Variants in MYRFL observed in about 807,000 individuals in gnomAD.
MYRFL encodes the protein myelin regulatory factor-like protein.
MYRFL carries 88 observed loss-of-function variants against 109.4 expected under a neutral mutation model. That is an observed-to-expected ratio of 0.80 (90% CI 0.68 to 0.96). The LOEUF (loss-of-function observed/expected upper bound fraction) is 0.96. Ranked by LOEUF, MYRFL falls within the 40% of genes least tolerant of loss-of-function variation. The pLI is 0.00. For missense variants in MYRFL, 957 were observed against 954.9 expected, an observed-to-expected ratio of 1.00 and a Z score of -0.03; for synonymous variants, 324 against 320.9, an observed-to-expected ratio of 1.01 and a Z score of -0.10.
intron 2 of MYRFL, among the ~76,000 whole-genome samples, chr12:69,875,175 TTC>T (rs1334795988): frequency 2.6e-5 from 4 of 151,528 alleles, no homozygotes; most frequent in South Asian, 2.1e-4. Context: ...AAATCTCTTT[TTC>T]TCTCTCTTTT....
chr12:69,878,242 C>CAAAA (rs60069243), intron 2 of MYRFL, among the ~76,000 whole-genome samples: 8,296 of 112,454 alleles, frequency 0.074, 498 homozygotes, highest in East Asian at 0.19. Flanking sequence ...GACTCCATCT[C>CAAAA]AAAAAAAAAA....
chr12:69,936,106 T>TC lies in MYRFL; in HGVS notation c.1917-7_1917-6insC. ...TTTTTTTTTTTTTTTTTTTTTTTTT[T>TC]TGACAGTGCTTTGACGATAGTTGCC... On this transcript the variant is annotated splice_region_variant and splice_polypyrimidine_tract_variant and intron_variant, in intron 16 of 24. Transcript: ENST00000552032. The TC allele has an allele frequency of 9.5e-7, 1 of 1,049,540 alleles. No individual in the cohort carries two copies. The highest frequency in any genetic ancestry group is 1.3e-6 in the Non-Finnish European group (1 of 764,624). The allele number at this position is 1,049,540 out of a possible 1,614,324, so 65.0% of individuals were successfully genotyped here. A position where few individuals can be genotyped will look rare whatever the true frequency, so the allele number is the denominator to read the frequency against.
intron 1 of MYRFL, among the ~76,000 whole-genome samples, chr12:69,844,443 C>G (rs1281135979): frequency 6.6e-6 from 1 of 152,136 alleles, no homozygotes; most frequent in Non-Finnish European, 1.5e-5. Flanking sequence ...GATGGGACAC[C>G]AGCAGGGGCT....
intron 1 of MYRFL, among the ~76,000 whole-genome samples, chr12:69,850,589 G>A (rs1883822452): frequency 6.6e-6 from 1 of 152,024 alleles, no homozygotes; most frequent in South Asian, 2.1e-4. Context: ...TAGTAAAGAC[G>A]AATTCTGAGA....
intron 2 of MYRFL, among the ~76,000 whole-genome samples, chr12:69,877,023 CTTTTTTTT>C (rs113649427): frequency 1.0e-4 from 13 of 128,908 alleles, no homozygotes; most frequent in African/African-American, 2.4e-4. Flanking sequence ...TTCTTTCTTT[CTTTTTTTT>C]TTTTTTTTTT....
chr12:69,920,560 C>G (rs1486705336), intron 13 of MYRFL, among the ~76,000 whole-genome samples: 1 of 149,692 alleles, frequency 6.7e-6, no homozygotes, highest in African/African-American at 2.4e-5. Flanking sequence ...AATATAAGCT[C>G]TGTCCAGGTG....
Position 69,936,616 on chromosome 12 carries a change from T to G in MYRFL, c.2208T>G (p.His736Gln). Residue 736 changes from histidine (H) to glutamine (Q), a missense_variant, in exon 19 of 25, where the codon CAT becomes CAG. Transcript: ENST00000552032. Reference protein sequence around the residue: ...VQRQSEEKEFHQRRWSEDKSK... With the variant: ...VQRQSEEKEFQQRRWSEDKSK... ...GACAATCTGAGGAGAAGGAATTCCA[T>G]CAGAGGCGATGGTCAGGTAAATGAT... 1 of 1,528,104 alleles carries G rather than the reference T, an allele frequency of 6.5e-7. No homozygotes were observed. The highest frequency in any genetic ancestry group is 8.8e-7 in the Non-Finnish European group (1 of 1,141,892). The allele number at this position is 1,528,104 out of a possible 1,614,324, so 94.7% of individuals were successfully genotyped here.
chr12:69,880,897 C>A (rs572604469), intron 5 of MYRFL, among the ~76,000 whole-genome samples: 1 of 146,132 alleles, frequency 6.8e-6, no homozygotes, highest in Non-Finnish European at 1.5e-5. Context: ...AATTTGAAAT[C>A]ATTTTAGAAG....
intron 14 of MYRFL, among the ~76,000 whole-genome samples, chr12:69,927,446 C>T (rs1955133413): frequency 6.6e-6 from 1 of 151,502 alleles, no homozygotes; most frequent in African/African-American, 2.4e-5. Flanking sequence ...AAGGTTAATG[C>T]ACATTTCCTG....
At chr12:69,855,232 C>A in intron 1 of MYRFL, 48 bp from the exon 2 acceptor site, 1 of 690,550 alleles carries the variant, frequency 1.4e-6, no homozygotes, top group Non-Finnish European at 2.6e-6. Context: ...AGCCATTGGC[C>A]ATACTGAAAT....
intron 16 of MYRFL, 32 bp from the exon 17 acceptor site, chr12:69,936,075 AATGTTT>A: frequency 6.9e-7 from 1 of 1,454,290 alleles, no homozygotes; most frequent in Non-Finnish European, 9.0e-7. Flanking sequence ...TCTGCCACAT[AATGTTT>A]TTTTTTTTTT....
rs1955139922 is a variant in MYRFL at position 69,927,671 on chromosome 12, TC to T, written c.1767-13del. The T allele has an allele frequency of 1.3e-6, 2 of 1,528,524 alleles. No individual in the cohort carries two copies. The highest frequency in any genetic ancestry group is 1.7e-6 in the Non-Finnish European group (2 of 1,144,834). 94.7% of individuals were successfully genotyped at this position (1,528,524 alleles called of 1,614,324 possible). A position where few individuals can be genotyped will look rare whatever the true frequency, so the allele number is the denominator to read the frequency against. ...GGTATTTGAATAGTAACCAATTTTC[TC>T]TCTCTTTTAAAGCAAATCTAGCAGA... On this transcript the variant is annotated splice_polypyrimidine_tract_variant and intron_variant, in intron 14 of 24. Coordinates refer to ENST00000552032, the MANE Select transcript of MYRFL (RefSeq NM_182530.3).
intron 16 of MYRFL, 33 bp from the exon 17 acceptor site, chr12:69,936,080 T>G (rs1422699935): frequency 2.8e-5 from 14 of 502,158 alleles, no homozygotes; most frequent in African/African-American, 6.4e-5. Flanking sequence ...CACATAATGT[T>G]TTTTTTTTTT....
At chr12:69,876,328 T>G (rs1885658792) in intron 2 of MYRFL, among the ~76,000 whole-genome samples, 1 of 152,218 alleles carries the variant, frequency 6.6e-6, no homozygotes, top group African/African-American at 2.4e-5. Context: ...CACAATCTCC[T>G]TGCTTTTGTC....
intron 15 of MYRFL, among the ~76,000 whole-genome samples, chr12:69,930,244 A>G (rs2120460644): frequency 6.6e-6 from 1 of 152,196 alleles, no homozygotes; most frequent in East Asian, 1.9e-4. Flanking sequence ...GTGAGCAGTT[A>G]GTGGGTCTTA....
At chr12:69,950,006 A>G (rs1047156861) in intron 19 of MYRFL, among the ~76,000 whole-genome samples, 3 of 152,212 alleles carry the variant, frequency 2.0e-5, no homozygotes, top group Admixed American at 1.3e-4. Context: ...AACAAATAGT[A>G]GGTGTAATTA....
At chr12:69,852,159 AG>A (rs1236207787) in intron 1 of MYRFL, among the ~76,000 whole-genome samples, 1 of 152,208 alleles carries the variant, frequency 6.6e-6, no homozygotes, top group Non-Finnish European at 1.5e-5. Context: ...TGGCTGCAGG[AG>A]ACTATCTTTA....
intron 16 of MYRFL, among the ~76,000 whole-genome samples, chr12:69,935,465 C>T (rs973969193): frequency 3.3e-5 from 5 of 152,326 alleles, no homozygotes; most frequent in South Asian, 2.1e-4. Context: ...AGGCTCGGAA[C>T]TCTTAAGGAA....
At chr12:69,853,947 C>T (rs1320420187) in intron 1 of MYRFL, among the ~76,000 whole-genome samples, 1 of 152,156 alleles carries the variant, frequency 6.6e-6, no homozygotes, top group African/African-American at 2.4e-5. Context: ...GACGGGGTGG[C>T]GGCCGGGCAG....
Sources: gnomAD v4.1 joint callset for allele counts (sites outside exome capture counted in the v4.1 genomes callset) on GRCh38, gnomAD v4.1.1 for gene constraint, MANE v1.5 for transcripts, NCBI Gene and HGNC (gene_info 2026-07-23, HGNC 2026-07-21) for gene names.